PLXNA4: variants seen among roughly 807,000 people sequenced by gnomAD.
The protein encoded by PLXNA4 is plexin-A4.
Under a neutral mutation model 191.8 loss-of-function variants are expected in PLXNA4, and 44 were observed. The ratio of observed to expected loss-of-function variants is 0.23; its 90% CI spans 0.18 to 0.29. The LOEUF (loss-of-function observed/expected upper bound fraction) is 0.29. Ranked by LOEUF, PLXNA4 falls within the 10% of genes least tolerant of loss-of-function variation. The probability of loss-of-function intolerance (pLI) is 1.00; values close to 1 mark genes in which losing one functional copy is unlikely to be tolerated. For synonymous variants in PLXNA4, 1,082 were observed against 1,009.5 expected, an observed-to-expected ratio of 1.07 and a Z score of -1.36; for missense variants, 1,800 against 2,488.8, an observed-to-expected ratio of 0.72 and a Z score of 5.89.
rs5887566 is a variant in PLXNA4, at chr7:132,322,184, C to CTTTTTTTTT, written c.1372-23971_1372-23963dup. Reference sequence around the variant, plus strand: ...CTAGAGTTCAATTTCCCTAAAAGGGCTTTTTTTTTTTTTTTTTTAACAGAG... The same window carrying CTTTTTTTTT: ...CTAGAGTTCAATTTCCCTAAAAGGGCTTTTTTTTTTTTTTTTTTTTTTTTTTTAACAGAG... On this transcript the variant is annotated intron_variant, in intron 3 of 31. Transcript: ENST00000321063. Among the ~76,000 whole-genome samples the CTTTTTTTTT allele has an allele frequency of 2.3e-3, 281 of 122,276 alleles. 1 individual carries two copies. Among genetic ancestry groups the CTTTTTTTTT allele is most frequent in the African/African-American group, 6.9e-3 (231 of 33,318 alleles). 80.2% of individuals were successfully genotyped at this position (122,276 alleles called of 152,430 possible). A position where few individuals can be genotyped will look rare whatever the true frequency, so the allele number is the denominator to read the frequency against.
At chr7:132,412,383 A>ATTG (rs776857491) in intron 3 of PLXNA4, among the ~76,000 whole-genome samples, 9 of 152,296 alleles carry the variant, frequency 5.9e-5, no homozygotes, top group Non-Finnish European at 4.4e-5. Flanking sequence ...AGTCAGGTGC[A>ATTG]TTGCCCTCAT....
intron 3 of PLXNA4, among the ~76,000 whole-genome samples, chr7:132,403,703 C>T (rs771294640): frequency 2.1e-4 from 32 of 152,232 alleles, no homozygotes; most frequent in Non-Finnish European, 4.3e-4. Context: ...AATCTGCCTG[C>T]GGACTCCAAA....
chr7:132,149,502 A>T (rs1795531590), intron 25 of PLXNA4, among the ~76,000 whole-genome samples: 1 of 152,220 alleles, frequency 6.6e-6, no homozygotes, highest in African/African-American at 2.4e-5. Flanking sequence ...TGTCAGACAC[A>T]CATAAACTCA....
chr7:132,132,956 T>G (rs1688596375), intron 31 of PLXNA4, 93 bp downstream of exon 31: 1 of 1,518,102 alleles, frequency 6.6e-7, no homozygotes, highest in African/African-American at 1.4e-5. Flanking sequence ...TGGATGTGTC[T>G]GTGGCGATGA....
At chr7:132,275,876 A>C (rs1424209387) in intron 4 of PLXNA4, among the ~76,000 whole-genome samples, 1 of 152,140 alleles carries the variant, frequency 6.6e-6, no homozygotes, top group Non-Finnish European at 1.5e-5. Flanking sequence ...TTATTTGCAT[A>C]TACCAAGTGC....
chr7:132,181,189 G>A (rs925623321), intron 18 of PLXNA4, among the ~76,000 whole-genome samples, 192 bp downstream of exon 18: 5 of 152,180 alleles, frequency 3.3e-5, no homozygotes, highest in African/African-American at 1.2e-4. Context: ...TCCCTGGGTA[G>A]AACCGGCCCC....
intron 1 of PLXNA4, among the ~76,000 whole-genome samples, chr7:132,519,863 T>C (rs1243981663): frequency 6.6e-6 from 1 of 152,256 alleles, no homozygotes; most frequent in Non-Finnish European, 1.5e-5. Flanking sequence ...CCTTTCTTTC[T>C]TGTTGCCTCA....
intron 30 of PLXNA4, 147 bp from the exon 31 acceptor site, chr7:132,133,346 T>C (rs1795023345): frequency 4.4e-6 from 6 of 1,366,198 alleles, no homozygotes; most frequent in Admixed American, 5.0e-5. Context: ...TGGGGACCAC[T>C]GTGGTCTCTC....
intron 3 of PLXNA4, among the ~76,000 whole-genome samples, chr7:132,391,711 T>A (rs1347928725): frequency 1.3e-5 from 2 of 152,144 alleles, no homozygotes. Flanking sequence ...ATCCTTTCCA[T>A]CCCACCAGTC....
At chr7:132,643,777 C>T (rs1803800131) in intron 2 of PLXNA4, among the ~76,000 whole-genome samples, 1 of 151,954 alleles carries the variant, frequency 6.6e-6, no homozygotes, top group African/African-American at 2.4e-5. Context: ...AGCAAGACCC[C>T]ATCTCTATAA....
At chr7:132,345,201 T>C (rs1391913885) in intron 3 of PLXNA4, among the ~76,000 whole-genome samples, 6 of 152,168 alleles carry the variant, frequency 3.9e-5, no homozygotes, top group Non-Finnish European at 8.8e-5. Context: ...GCTGGTTACT[T>C]TGGCAAACAT....
chr7:132,169,257 A>C (rs1796213822), intron 21 of PLXNA4, among the ~76,000 whole-genome samples: 1 of 152,234 alleles, frequency 6.6e-6, no homozygotes, highest in Non-Finnish European at 1.5e-5. Context: ...GCAGGGGAAG[A>C]GGAAGAAGAT....
chr7:132,275,494 G>A (rs1031454737), intron 4 of PLXNA4, among the ~76,000 whole-genome samples: 1 of 152,044 alleles, frequency 6.6e-6, no homozygotes, highest in African/African-American at 2.4e-5. Flanking sequence ...GTGATCAGAG[G>A]CACATTATAC....
At chr7:132,535,608 C>A (rs1255133557) in intron 1 of PLXNA4, among the ~76,000 whole-genome samples, 1 of 152,126 alleles carries the variant, frequency 6.6e-6, no homozygotes, top group Non-Finnish European at 1.5e-5. Context: ...GCCCCATAGC[C>A]CACACCTCAC....
chr7:132,222,498 C>T (rs879872238), intron 9 of PLXNA4, among the ~76,000 whole-genome samples: 1 of 152,082 alleles, frequency 6.6e-6, no homozygotes, highest in Non-Finnish European at 1.5e-5. Context: ...ATCCCCTATG[C>T]TTCCTGCACC....
chr7:132,461,757 G>A (rs1157256171), intron 3 of PLXNA4, among the ~76,000 whole-genome samples: 1 of 152,204 alleles, frequency 6.6e-6, no homozygotes, highest in East Asian at 1.9e-4. Flanking sequence ...AGACAGCGGA[G>A]TCATTTCAAC....
At chr7:132,267,423 G>A (rs562755987) in intron 4 of PLXNA4, among the ~76,000 whole-genome samples, 1 of 152,306 alleles carries the variant, frequency 6.6e-6, no homozygotes, top group East Asian at 1.9e-4. Flanking sequence ...CCAGCTCACA[G>A]AGCCCTCAGC....
chr7:132,177,139 CTA>C (rs549409331), intron 20 of PLXNA4, among the ~76,000 whole-genome samples: 210 of 148,842 alleles, frequency 1.4e-3, no homozygotes, highest in Non-Finnish European at 2.4e-3. Flanking sequence ...GAGCATGTCA[CTA>C]TGTGTGGGCA....
chr7:132,465,863 C>T (rs974494903), intron 3 of PLXNA4, among the ~76,000 whole-genome samples: 1 of 152,102 alleles, frequency 6.6e-6, no homozygotes, highest in African/African-American at 2.4e-5. Flanking sequence ...CCACAGAGAC[C>T]CATCTGTGTT....
Sources: allele counts gnomAD v4.1 joint callset (sites outside exome capture counted in the v4.1 genomes callset), GRCh38; gene constraint gnomAD v4.1.1; transcripts MANE v1.5; gene names NCBI Gene and HGNC (gene_info 2026-07-23, HGNC 2026-07-21).